FIG4: variants seen among roughly 807,000 people sequenced by gnomAD.
FIG4 encodes FIG4 phosphoinositide 5-phosphatase.
FIG4 carries 112 observed loss-of-function variants against 118.6 expected under a neutral mutation model. The observed-to-expected ratio is 0.94, with a 90% CI of 0.81 to 1.11. FIG4 has a LOEUF of 1.11. FIG4 is among the 50% of genes least tolerant of loss of function. The pLI is 0.00. For missense variants in FIG4, 969 were observed against 1,111.7 expected (o/e 0.87, Z 1.83); for synonymous variants, 369 against 381.2 (o/e 0.97, Z 0.37).
rs375284250 is a variant in FIG4 at position 109,788,436 on chromosome 6, A to C, written c.2097-1158A>C. 4.6e-5 allele frequency among the ~76,000 whole-genome samples: 7 copies of C among 152,354 alleles called. No homozygotes were observed. In the South Asian group the frequency reaches 1.4e-3, roughly 32 times the overall value. On this transcript the variant is annotated intron_variant, in intron 18 of 22. Coordinates refer to ENST00000230124, the MANE Select transcript of FIG4 (RefSeq NM_014845.6). ...AAATGTGAAAAACATGGTGTCAAAT[A>C]GACTGTGAAAAAGACACTCATTTAC...
chr6:109,743,346 C>A, intron 9 of FIG4, 74 bp downstream of exon 9: 2 of 1,439,706 alleles, frequency 1.4e-6, no homozygotes, highest in Non-Finnish European at 9.8e-7. Flanking sequence ...TCACAGAAAT[C>A]TCATAAATGC....
At chr6:109,702,095 T>C (rs981960479) in intron 1 of FIG4, among the ~76,000 whole-genome samples, 3 of 152,160 alleles carry the variant, frequency 2.0e-5, no homozygotes, top group East Asian at 1.9e-4. Context: ...TTCATGGTGC[T>C]CTTTACAAAT....
chr6:109,727,124 T>C lies in FIG4; in HGVS notation c.305T>C (p.Leu102Ser). 6.2e-7 allele frequency: 1 copy of C among 1,611,126 alleles called. No homozygotes were observed. The highest frequency in any genetic ancestry group is 8.5e-7 in the Non-Finnish European group (1 of 1,177,300). The change falls in exon 4 of 23, where the codon TTA (leucine) becomes TCA (serine). Residue 102 changes from leucine to serine, a missense_variant. By Grantham distance (145) the Leu-to-Ser change is moderately radical. Around this residue, in one of 3 missense-constraint regions of FIG4, gnomAD observed 393 missense variants for 409.4 expected, o/e 0.96. Coordinates refer to ENST00000230124, the MANE Select transcript of FIG4 (RefSeq NM_014845.6). ...AFGVVGFVRF[L>S]EGYYIVLITK... is the part of the protein sequence containing the mutation. ...TGTTGCATAGGTTTTGTCAGGTTCTTAGAAGGCTATTATATTGTGTTAATA... is the reference window on the plus strand; with the variant it reads ...TGTTGCATAGGTTTTGTCAGGTTCTCAGAAGGCTATTATATTGTGTTAATA...
At chr6:109,799,775 G>T (rs1430261432) in intron 22 of FIG4, among the ~76,000 whole-genome samples, 3 of 152,196 alleles carry the variant, frequency 2.0e-5, no homozygotes, top group Non-Finnish European at 2.9e-5. Context: ...TGGGCAGCTG[G>T]ACACTTTCAA....
In FIG4 at chr6:109,716,564, TG is replaced by T; in HGVS notation, c.286del (p.Val96TrpfsTer7). 6.2e-7 allele frequency: 1 copy of T among 1,613,852 alleles called. No individual in the cohort carries two copies. The highest frequency in any genetic ancestry group is 1.1e-5 in the South Asian group (1 of 91,088). The stretch of plus-strand genomic sequence containing the variant: ...TTCGAGCGGTTTCAGCTTTTGGTGT[TG>T]TGGGTAAGAAATCTGCCCCCCTTCT... ...LFRAVSAFGV[V>X]GFVRFLEGYY... On this transcript the variant is annotated frameshift_variant, in exon 3 of 23. Transcript: ENST00000230124. LOFTEE classifies it high-confidence loss of function.
At chr6:109,752,387 A>G (rs888822640) in intron 10 of FIG4, among the ~76,000 whole-genome samples, 4 of 151,450 alleles carry the variant, frequency 2.6e-5, no homozygotes, top group Non-Finnish European at 5.9e-5. Flanking sequence ...TGGTATTTCT[A>G]GTTCTAGATC....
chr6:109,774,131 G>A (rs952969556), intron 15 of FIG4, among the ~76,000 whole-genome samples: 3 of 152,072 alleles, frequency 2.0e-5, no homozygotes, highest in East Asian at 1.9e-4. Context: ...AACTACTAAA[G>A]TATATATGTT....
rs116686124 is a variant in FIG4, at chr6:109,769,793, C to T, written c.1750+2898C>T. The stretch of plus-strand genomic sequence containing the variant: ...AATTAACCAGGCATGGTAGTGCACA[C>T]CTGTAGTCCCAGCTATGTGAGAGCC... On this transcript the variant is annotated intron_variant, in intron 15 of 22. Transcript: ENST00000230124. 1.9e-4 allele frequency among the ~76,000 whole-genome samples: 29 copies of T among 152,266 alleles called. No individual in the cohort carries two copies. In the South Asian group the frequency reaches 5.8e-3, roughly 30 times the overall value.
chr6:109,726,930 AAATGTC>A (rs542281512), intron 3 of FIG4, among the ~76,000 whole-genome samples, 173 bp from the exon 4 acceptor site: 3 of 152,154 alleles, frequency 2.0e-5, no homozygotes, highest in Non-Finnish European at 4.4e-5. Context: ...TAAGTGAGGT[AAATGTC>A]AGTATAGATA....
chr6:109,818,811 A>G lies in FIG4; in HGVS notation c.2547-6277A>G, dbSNP rs570873622. Among the ~76,000 whole-genome samples the G allele has an allele frequency of 1.2e-4, 19 of 152,270 alleles. No homozygotes were observed. The East Asian group carries it at 3.3e-3, about 26-fold the overall frequency. On this transcript the variant is annotated intron_variant, in intron 22 of 22. Coordinates refer to ENST00000230124, the MANE Select transcript of FIG4 (RefSeq NM_014845.6). ...CCTGCATCCTGCTGCTTTCCATATG[A>G]CCCAGTTTCAAATCAAAGCACTTGA...
intron 12 of FIG4, among the ~76,000 whole-genome samples, chr6:109,763,102 A>G (rs758070565): frequency 6.6e-6 from 1 of 152,208 alleles, no homozygotes; most frequent in Non-Finnish European, 1.5e-5. Context: ...CTGTTTTTTT[A>G]CTGGAGGCTG....
intron 15 of FIG4, among the ~76,000 whole-genome samples, chr6:109,771,797 T>C: frequency 6.6e-6 from 1 of 152,194 alleles, no homozygotes; most frequent in Admixed American, 6.5e-5. Context: ...AGTGAAACCT[T>C]GCCTTTTTCT....
chr6:109,744,906 C>T (rs938847480), intron 10 of FIG4, among the ~76,000 whole-genome samples: 2 of 149,186 alleles, frequency 1.3e-5, no homozygotes, highest in African/African-American at 2.5e-5. Context: ...ATTTCCTGTT[C>T]CTGTGTTAGT....
At chr6:109,789,065 G>A (rs1778064315) in intron 18 of FIG4, among the ~76,000 whole-genome samples, 1 of 152,196 alleles carries the variant, frequency 6.6e-6, no homozygotes, top group African/African-American at 2.4e-5. Flanking sequence ...ATACCACTGT[G>A]TTTTTGATCA....
chr6:109,806,480 CGAG>C (rs892918335), intron 22 of FIG4, among the ~76,000 whole-genome samples: 7 of 151,748 alleles, frequency 4.6e-5, no homozygotes, highest in African/African-American at 1.7e-4. Context: ...TGTGCACACA[CGAG>C]TGTGTGTGTG....
intron 10 of FIG4, among the ~76,000 whole-genome samples, chr6:109,748,829 T>C (rs1370158291): frequency 6.6e-6 from 1 of 152,130 alleles, no homozygotes; most frequent in Non-Finnish European, 1.5e-5. Context: ...GTGAGACTTA[T>C]TCATTACCAC....
At chr6:109,790,716 A>G (rs978741463) in intron 19 of FIG4, among the ~76,000 whole-genome samples, 2 of 152,222 alleles carry the variant, frequency 1.3e-5, no homozygotes, top group African/African-American at 4.8e-5. Context: ...AAGTATTACT[A>G]TAAATGGTTT....
At chr6:109,731,142 CATT>C (rs1409033653) in intron 4 of FIG4, among the ~76,000 whole-genome samples, 4 of 152,138 alleles carry the variant, frequency 2.6e-5, no homozygotes, top group Non-Finnish European at 4.4e-5. Context: ...ATTTTATTCT[CATT>C]AGTCAGTTTG....
At chr6:109,800,453 G>A (rs1778398514) in intron 22 of FIG4, among the ~76,000 whole-genome samples, 1 of 152,162 alleles carries the variant, frequency 6.6e-6, no homozygotes. Flanking sequence ...AGTTTCCTGG[G>A]CAAGCATACT....
Sources: allele counts gnomAD v4.1 joint callset (sites outside exome capture counted in the v4.1 genomes callset), GRCh38; gene constraint gnomAD v4.1.1; regional missense constraint gnomAD v4.1.1; transcripts MANE v1.5; gene names NCBI Gene and HGNC (gene_info 2026-07-23, HGNC 2026-07-21).